The following MND1 variants were observed in gnomAD, a reference collection of about 807,000 sequenced individuals.
The protein encoded by MND1 is meiotic nuclear divisions 1.
In MND1, 28 loss-of-function variants were observed where a neutral mutation model predicts 35.1. The observed-to-expected ratio is 0.80, with a 90% CI of 0.59 to 1.09. MND1 has a LOEUF of 1.09. MND1 is among the 50% of genes least tolerant of loss of function. MND1 has a pLI of 0.00. For missense variants in MND1, 213 were observed against 239.6 expected (o/e 0.89, Z 0.73); for synonymous variants, 69 against 70.5 (o/e 0.98, Z 0.11).
chr4:153,386,570 GT>G (rs1728870949), intron 4 of MND1, among the ~76,000 whole-genome samples: 1 of 152,000 alleles, frequency 6.6e-6, no homozygotes, highest in Admixed American at 6.6e-5. Flanking sequence ...ACAAAAATTA[GT>G]CAGGCGTGGT....
intron 6 of MND1, among the ~76,000 whole-genome samples, chr4:153,403,775 CT>C (rs112529002): frequency 8.1e-5 from 12 of 149,042 alleles, no homozygotes; most frequent in Non-Finnish European, 7.5e-5. Flanking sequence ...TTAATTATTA[CT>C]TTTTTTTTTG....
chr4:153,348,482 A>G (rs1773127916), intron 1 of MND1, among the ~76,000 whole-genome samples: 1 of 152,238 alleles, frequency 6.6e-6, no homozygotes, highest in Admixed American at 6.5e-5. Flanking sequence ...ATGAGATCAA[A>G]GATAAGATAT....
At chr4:153,393,371 T>C (rs1729100086) in intron 4 of MND1, among the ~76,000 whole-genome samples, 1 of 145,468 alleles carries the variant, frequency 6.9e-6, no homozygotes. Context: ...TTTCTTTCTT[T>C]TTTTTTTTTT....
intron 5 of MND1, 42 bp downstream of exon 5, chr4:153,394,378 A>C: frequency 1.3e-6 from 2 of 1,512,922 alleles, no homozygotes; most frequent in South Asian, 1.2e-5. Flanking sequence ...TGGCAATTCT[A>C]AATATTAGAG....
At chr4:153,355,478 T>C (rs1773317091) in intron 2 of MND1, among the ~76,000 whole-genome samples, 176 bp from the exon 3 acceptor site, 1 of 152,192 alleles carries the variant, frequency 6.6e-6, no homozygotes, top group Admixed American at 6.5e-5. Context: ...AAGAGATGGA[T>C]ACCCTAATTA....
chr4:153,380,648 A>G (rs1728650519), intron 4 of MND1, among the ~76,000 whole-genome samples: 1 of 152,174 alleles, frequency 6.6e-6, no homozygotes, highest in Non-Finnish European at 1.5e-5. Context: ...AACTAACAGG[A>G]TCTGCCAAAT....
intron 4 of MND1, among the ~76,000 whole-genome samples, chr4:153,377,593 A>G (rs1392969624): frequency 6.6e-6 from 1 of 152,230 alleles, no homozygotes; most frequent in Non-Finnish European, 1.5e-5. Flanking sequence ...GGTGTGATAT[A>G]TGCAATGCTG....
At chr4:153,397,116 C>T in intron 5 of MND1, 103 bp from the exon 6 acceptor site, 1 of 719,008 alleles carries the variant, frequency 1.4e-6, no homozygotes, top group Non-Finnish European at 2.3e-6. Context: ...GTCTAATGCA[C>T]ATCATTTATA....
Position 153,412,587 on chromosome 4 carries a change from A to G in MND1, c.512-2164A>G, listed in dbSNP as rs546729878. On this transcript the variant is annotated intron_variant, in intron 7 of 7. Transcript: ENST00000240488. ...AACCTCCACCTCCCTGGTTCAAGCA[A>G]TTTCCCTGCCTCAGCCTTCCGAGTA... Among the ~76,000 whole-genome samples the G allele has an allele frequency of 6.6e-4, 100 of 150,848 alleles. 2 individuals are homozygous for G. The South Asian group carries it at 0.019, about 29-fold the overall frequency.
At chr4:153,397,148 TA>T in intron 5 of MND1, 70 bp from the exon 6 acceptor site, 1 of 1,003,440 alleles carries the variant, frequency 1.0e-6, no homozygotes, top group Non-Finnish European at 1.5e-6. Flanking sequence ...GAAATTGTTA[TA>T]AAATGTATTA....
chr4:153,405,966 G>T (rs1220986291), intron 6 of MND1, among the ~76,000 whole-genome samples: 1 of 151,916 alleles, frequency 6.6e-6, no homozygotes, highest in Non-Finnish European at 1.5e-5. Context: ...ACCACGCCAG[G>T]CTAATTTTTT....
intron 1 of MND1, among the ~76,000 whole-genome samples, chr4:153,346,771 T>A (rs910764851): frequency 2.6e-5 from 4 of 152,202 alleles, no homozygotes; most frequent in African/African-American, 9.7e-5. Flanking sequence ...ATTCTCCTCA[T>A]TGCCTGCCTC....
intron 6 of MND1, among the ~76,000 whole-genome samples, chr4:153,404,532 T>A (rs920627812): frequency 2.0e-5 from 3 of 150,372 alleles, no homozygotes; most frequent in Admixed American, 6.7e-5. Flanking sequence ...GGGAGTGCAG[T>A]GGTGCGATCT....
chr4:153,408,557 T>G (rs543573065), intron 6 of MND1, among the ~76,000 whole-genome samples: 1 of 152,298 alleles, frequency 6.6e-6, no homozygotes, highest in African/African-American at 2.4e-5. Flanking sequence ...CTTATTGTGG[T>G]CTTATAATGC....
chr4:153,355,281 T>C (rs1270815052), intron 2 of MND1, among the ~76,000 whole-genome samples: 2 of 152,244 alleles, frequency 1.3e-5, no homozygotes, highest in Non-Finnish European at 2.9e-5. Context: ...AATGCTTGAT[T>C]CTATTATACT....
intron 4 of MND1, among the ~76,000 whole-genome samples, chr4:153,386,271 G>T (rs779348448): frequency 6.7e-6 from 1 of 150,084 alleles, no homozygotes; most frequent in Non-Finnish European, 1.5e-5. Context: ...CAGGAGGATC[G>T]CATGAGACCA....
At chr4:153,394,722 A>C (rs1729151494) in intron 5 of MND1, among the ~76,000 whole-genome samples, 2 of 151,748 alleles carry the variant, frequency 1.3e-5, no homozygotes, top group Non-Finnish European at 2.9e-5. Flanking sequence ...GCCCTATATA[A>C]ATGTTTATGT....
chr4:153,381,194 C>T (rs915294023), intron 4 of MND1, among the ~76,000 whole-genome samples: 2 of 152,018 alleles, frequency 1.3e-5, no homozygotes, highest in African/African-American at 2.4e-5. Flanking sequence ...CCACTGCGCC[C>T]GGCCAGAGAT....
Position 153,368,482 on chromosome 4 carries a change from A to G in MND1, c.276+9860A>G, listed in dbSNP as rs557404896. Among the ~76,000 whole-genome samples the G allele has an allele frequency of 6.6e-5, 10 of 152,338 alleles. No individual in the cohort carries two copies. The South Asian group carries it at 1.2e-3, about 19-fold the overall frequency. ...GACTCCCTGGCAACTAATGGTGGCA[A>G]TGGGAAGCAGGTCTGATAAATGAGA... On this transcript the variant is annotated intron_variant, in intron 4 of 7. Transcript: ENST00000240488.
Sources: allele counts gnomAD v4.1 joint callset (sites outside exome capture counted in the v4.1 genomes callset), GRCh38; gene constraint gnomAD v4.1.1; transcripts MANE v1.5; gene names NCBI Gene and HGNC (gene_info 2026-07-23, HGNC 2026-07-21).